PAX8: variants seen among roughly 807,000 people sequenced by gnomAD.
PAX8 encodes paired box 8.
PAX8 carries 15 observed loss-of-function variants against 52.4 expected under a neutral mutation model. The ratio of observed to expected loss-of-function variants is 0.29; its 90% CI spans 0.19 to 0.44. The LOEUF (loss-of-function observed/expected upper bound fraction) is 0.44. PAX8 is among the 20% of genes least tolerant of loss of function. The pLI, the probability that PAX8 is intolerant of heterozygous loss-of-function variation, is 1.00. For synonymous variants in PAX8, 284 were observed against 249.7 expected (o/e 1.14, Z -1.29); for missense variants, 554 against 602.5 (o/e 0.92, Z 0.84).
intron 2 of PAX8, among the ~76,000 whole-genome samples, chr2:113,257,628 C>T (rs1242999976): frequency 6.6e-6 from 1 of 152,072 alleles, no homozygotes; most frequent in Non-Finnish European, 1.5e-5. Context: ...AAAGAGGTTT[C>T]CCTTGGATTA....
chr2:113,246,253 C>A (rs903716872), intron 3 of PAX8, among the ~76,000 whole-genome samples: 1 of 152,236 alleles, frequency 6.6e-6, no homozygotes, highest in African/African-American at 2.4e-5. Flanking sequence ...AAAAATCAGG[C>A]TTCCCCTGGT....
chr2:113,233,299 C>T (rs957544278), intron 9 of PAX8, among the ~76,000 whole-genome samples: 4 of 146,194 alleles, frequency 2.7e-5, no homozygotes, highest in African/African-American at 1.0e-4. Context: ...TCTAAGGAAA[C>T]TTCTCACATT....
chr2:113,234,795 G>A (rs1690141932), intron 9 of PAX8, among the ~76,000 whole-genome samples: 1 of 152,218 alleles, frequency 6.6e-6, no homozygotes, highest in Non-Finnish European at 1.5e-5. Context: ...TGGAATTACA[G>A]GGGTGAGCCA....
chr2:113,262,246 G>A (rs1444184280), intron 2 of PAX8, among the ~76,000 whole-genome samples: 1 of 152,070 alleles, frequency 6.6e-6, no homozygotes, highest in Non-Finnish European at 1.5e-5. Flanking sequence ...GAACTCCTGG[G>A]CTCAAGCAAT....
rs932387515 is a variant in PAX8 at position 113,241,707 on chromosome 2, T to C, written c.621A>G (p.Arg207=). ...KMDDSDQDSC[R]LSIDSQSSSS... ...TGCTGCTCTGTGAGTCAATGCTTAGTCGGCAGCTATCCTGATCACCTGGTA... is the reference window on the plus strand; with the variant it reads ...TGCTGCTCTGTGAGTCAATGCTTAGCCGGCAGCTATCCTGATCACCTGGTA... Residue 207 remains arginine, a synonymous_variant, in exon 7 of 12, where the codon CGA becomes CGG. Coordinates refer to ENST00000429538, the MANE Select transcript of PAX8 (RefSeq NM_003466.4). 3.1e-6 allele frequency: 5 copies of C among 1,614,096 alleles called. No homozygotes were observed. Among genetic ancestry groups the C allele is most frequent in the Middle Eastern group, 1.7e-4 (1 of 6,020 alleles).
rs1049137 is a variant in PAX8 at position 113,217,533 on chromosome 2, A to G, written c.*1000T>C. Reference sequence around the variant, plus strand: ...ACCCAAACAAAGTTTCATTTACAGTATATACAGTCAGGCCTTGGGGGCAGG... The same window carrying G: ...ACCCAAACAAAGTTTCATTTACAGTGTATACAGTCAGGCCTTGGGGGCAGG... On this transcript the variant is annotated 3_prime_UTR_variant, in exon 12 of 12. Coordinates refer to ENST00000429538, the MANE Select transcript of PAX8 (RefSeq NM_003466.4). 0.2 allele frequency: 45,868 copies of G among 230,108 alleles called. 5,303 individuals are homozygous for G. The highest frequency in any genetic ancestry group is 0.26 in the Non-Finnish European group (29,791 of 115,984). The allele number at this position is 230,108 out of a possible 1,614,324, so 14.3% of individuals were successfully genotyped here.
In PAX8 at chr2:113,235,592, G is replaced by A. The variant is rs781775722; in HGVS notation, c.899-10C>T. 8.7e-6 allele frequency: 14 copies of A among 1,602,532 alleles called. No individual in the cohort carries two copies. The highest frequency in any genetic ancestry group is 1.2e-5 in the Non-Finnish European group (14 of 1,172,374). Reference sequence around the variant, plus strand: ...AAGGGTGAGTGAGGATCTGCCGGAGGGAGGGAGACAACAAGGAGAGAGGGG... The same window carrying A: ...AAGGGTGAGTGAGGATCTGCCGGAGAGAGGGAGACAACAAGGAGAGAGGGG... On this transcript the variant is annotated splice_polypyrimidine_tract_variant and intron_variant, in intron 8 of 11. Transcript: ENST00000429538.
rs1693987934 is a variant in PAX8 at position 113,278,455 on chromosome 2, G to T, written c.-61C>A. On this transcript the variant is annotated 5_prime_UTR_variant, in exon 2 of 12. Transcript: ENST00000429538. ...GGGCTTCCTCCCGTAGGTCCGGGCC[G>T]CGCCTGCCGCTGCCCTGCACAAACC... is the stretch of plus-strand genomic sequence containing the variant. 1.2e-6 allele frequency: 2 copies of T among 1,605,342 alleles called. No homozygotes were observed. Among genetic ancestry groups the T allele is most frequent in the East Asian group, 4.5e-5 (2 of 44,742 alleles).
chr2:113,277,035 C>G (rs1273807589), intron 2 of PAX8, among the ~76,000 whole-genome samples: 2 of 152,210 alleles, frequency 1.3e-5, no homozygotes, highest in Non-Finnish European at 2.9e-5. Context: ...GGTTCCAGGA[C>G]GCGGACCGTA....
intron 2 of PAX8, among the ~76,000 whole-genome samples, chr2:113,261,770 G>A (rs1388093548): frequency 6.6e-6 from 1 of 151,998 alleles, no homozygotes; most frequent in African/African-American, 2.4e-5. Context: ...GGAAGAAAGT[G>A]AGGTTTGCGC....
At chr2:113,269,154 G>A (rs1289948063) in intron 2 of PAX8, 4 of 152,270 alleles carry the variant, frequency 2.6e-5, no homozygotes, top group African/African-American at 7.2e-5. Flanking sequence ...GAAGTGTCCA[G>A]TAAGCATTTT....
rs1422611591 is a variant in PAX8 at position 113,217,204 on chromosome 2, G to C, written c.*1329C>G. ...TACCCAGCGTTCAACGTGAATTAAAGGCAGAGGGAGAAGGCCAAGCCAGAG... is the reference window on the plus strand; with the variant it reads ...TACCCAGCGTTCAACGTGAATTAAACGCAGAGGGAGAAGGCCAAGCCAGAG... On this transcript the variant is annotated 3_prime_UTR_variant, in exon 12 of 12. Coordinates refer to ENST00000429538, the MANE Select transcript of PAX8 (RefSeq NM_003466.4). 2 of 229,142 alleles carry C rather than the reference G, an allele frequency of 8.7e-6. No individual in the cohort carries two copies. The highest frequency in any genetic ancestry group is 1.1e-4 in the Admixed American group (2 of 17,632). 14.2% of individuals were successfully genotyped at this position (229,142 alleles called of 1,614,324 possible).
Position 113,242,002 on chromosome 2 carries a change from A to T in PAX8, c.601+6T>A, listed in dbSNP as rs1690894546. The T allele has an allele frequency of 1.4e-5, 23 of 1,613,364 alleles. No homozygotes were observed. Among genetic ancestry groups the T allele is most frequent in the Non-Finnish European group, 1.9e-5 (23 of 1,179,684 alleles). The stretch of plus-strand genomic sequence containing the variant: ...CCGCCCGCTGCCCTCCTGTCCCAGC[A>T]CTCACTGTCATCCATTTTCCTCTTG... On this transcript the variant is annotated splice_donor_region_variant and intron_variant, in intron 6 of 11. Transcript: ENST00000429538.
In PAX8 at chr2:113,235,577, G is replaced by T; in HGVS notation, c.904C>A (p.His302Asn). ...TCCTGCTTTATGGCGAAGGGTGAGT[G>T]AGGATCTGCCGGAGGGAGGGAGACA... ...HQTYPVVADPHSPFAIKQETP... is the reference protein window; with the variant it reads ...HQTYPVVADPNSPFAIKQETP... Residue 302 changes from histidine (H) to asparagine (N), a missense_variant, in exon 9 of 12, where the codon CAC (histidine) becomes AAC (asparagine). Around this residue, in one of 2 missense-constraint regions of PAX8, gnomAD observed 445 missense variants for 409.9 expected, o/e 1.09. Coordinates refer to ENST00000429538, the MANE Select transcript of PAX8 (RefSeq NM_003466.4). The T allele has an allele frequency of 3.7e-6, 6 of 1,609,936 alleles. No individual in the cohort carries two copies. The highest frequency in any genetic ancestry group is 4.2e-6 in the Non-Finnish European group (5 of 1,177,046).
intron 10 of PAX8, among the ~76,000 whole-genome samples, chr2:113,220,884 T>C (rs940738164): frequency 6.6e-6 from 1 of 152,176 alleles, no homozygotes; most frequent in Non-Finnish European, 1.5e-5. Context: ...TTACACAAAG[T>C]AAATCAGATC....
intron 7 of PAX8, 188 bp from the exon 8 acceptor site, chr2:113,236,909 C>T (rs1690408985): frequency 3.0e-6 from 2 of 676,312 alleles, no homozygotes; most frequent in Admixed American, 3.0e-5. Context: ...CCTCCCGCAT[C>T]CCTGGAATTC....
intron 10 of PAX8, chr2:113,225,789 C>T (rs1029699322): frequency 3.3e-5 from 11 of 329,892 alleles, no homozygotes; most frequent in African/African-American, 1.1e-4. Context: ...TCTAAGCAGG[C>T]GGCAGGGGAA....
chr2:113,266,203 A>G (rs568886479), intron 2 of PAX8: 1 of 152,328 alleles, frequency 6.6e-6, no homozygotes, highest in South Asian at 2.1e-4. Context: ...GAGAAAGACA[A>G]AAGAAATCAC....
At chr2:113,241,812 A>T (rs1690870494) in intron 6 of PAX8, 86 bp from the exon 7 acceptor site, 1 of 1,541,982 alleles carries the variant, frequency 6.5e-7, no homozygotes, top group Admixed American at 1.7e-5. Context: ...CTCCAAGCTG[A>T]CTCACTGTGG....
Sources: gnomAD v4.1 joint callset for allele counts (sites outside exome capture counted in the v4.1 genomes callset) on GRCh38, gnomAD v4.1.1 for gene constraint, gnomAD v4.1.1 regional missense constraint, MANE v1.5 for transcripts, NCBI Gene and HGNC (gene_info 2026-07-23, HGNC 2026-07-21) for gene names.